Variants in RMDN2 observed in about 807,000 individuals in gnomAD.
The protein encoded by RMDN2 is regulator of microtubule dynamics protein 2.
RMDN2 carries 61 observed loss-of-function variants against 52.8 expected under a neutral mutation model. That is an observed-to-expected ratio of 1.16 (90% CI 0.94 to 1.43). RMDN2 has a LOEUF of 1.43. Among genes scored for constraint, RMDN2 ranks in the 40% most tolerant of loss-of-function variants. The probability of loss-of-function intolerance (pLI) is 0.00; values close to 1 mark genes in which losing one functional copy is unlikely to be tolerated. For missense variants in RMDN2, 592 were observed against 475.3 expected (o/e 1.25, Z -2.28); for synonymous variants, 180 against 153.1 (o/e 1.18, Z -1.30).
At chr2:37,993,494 C>T (rs1309875877) in intron 7 of RMDN2, among the ~76,000 whole-genome samples, 4 of 150,296 alleles carry the variant, frequency 2.7e-5, no homozygotes. Flanking sequence ...TGTTTCTAAT[C>T]AGGTCAATGG....
intron 2 of RMDN2, among the ~76,000 whole-genome samples, chr2:37,961,442 C>G (rs1426486434): frequency 1.3e-5 from 2 of 151,754 alleles, no homozygotes; most frequent in African/African-American, 2.4e-5. Context: ...TTAAGTTAAT[C>G]TGCAATCTCT....
intron 10 of RMDN2, among the ~76,000 whole-genome samples, chr2:38,044,346 T>C (rs554199267): frequency 6.6e-6 from 1 of 152,200 alleles, no homozygotes; most frequent in Admixed American, 6.5e-5. Flanking sequence ...TTGAATATGA[T>C]ATGCAGATTT....
chr2:37,945,718 TATCTC>T (rs1668165515), intron 2 of RMDN2, among the ~76,000 whole-genome samples: 1 of 152,184 alleles, frequency 6.6e-6, no homozygotes, highest in Non-Finnish European at 1.5e-5. Flanking sequence ...TTATATTTAT[TATCTC>T]ATTTAATATA....
At chr2:37,977,746 C>G (rs1317915131) in intron 4 of RMDN2, among the ~76,000 whole-genome samples, 1 of 151,384 alleles carries the variant, frequency 6.6e-6, no homozygotes, top group Non-Finnish European at 1.5e-5. Flanking sequence ...GAGGCGCTCC[C>G]CACATCCCAG....
At chr2:37,960,398 T>C (rs1300111429) in intron 2 of RMDN2, among the ~76,000 whole-genome samples, 1 of 152,162 alleles carries the variant, frequency 6.6e-6, no homozygotes, top group Non-Finnish European at 1.5e-5. Context: ...TACCATTATG[T>C]AATTACCTTG....
chr2:38,002,653 T>C (rs559565132), intron 8 of RMDN2, among the ~76,000 whole-genome samples: 1 of 152,380 alleles, frequency 6.6e-6, no homozygotes, highest in East Asian at 1.9e-4. Flanking sequence ...TATCTGTTTT[T>C]TTATTTGCCT....
At chr2:38,005,597 T>G (rs1206341751) in intron 10 of RMDN2, among the ~76,000 whole-genome samples, 18 of 152,242 alleles carry the variant, frequency 1.2e-4, no homozygotes, top group South Asian at 2.1e-4. Context: ...AGATTCTGGA[T>G]ATTAGCCCTT....
chr2:37,934,424 G>C (rs1357119614), intron 2 of RMDN2, among the ~76,000 whole-genome samples: 1 of 152,200 alleles, frequency 6.6e-6, no homozygotes, highest in African/African-American at 2.4e-5. Flanking sequence ...TTCTCATAAG[G>C]TGGCCCTCAG....
upstream of RMDN2, among the ~76,000 whole-genome samples, chr2:37,921,595 G>T (rs1344510229): frequency 6.6e-6 from 1 of 152,182 alleles, no homozygotes; most frequent in South Asian, 2.1e-4. Flanking sequence ...TAACTGAAGT[G>T]GGGGATACAA....
intron 2 of RMDN2, chr2:37,952,994 A>G (rs905267872): frequency 2.0e-5 from 3 of 152,130 alleles, no homozygotes; most frequent in Non-Finnish European, 4.4e-5. Context: ...GCATGTAAGC[A>G]ATTGAAAACA....
At chr2:38,053,391 C>T (rs987659216) in intron 10 of RMDN2, among the ~76,000 whole-genome samples, 1 of 152,168 alleles carries the variant, frequency 6.6e-6, no homozygotes, top group Admixed American at 6.5e-5. Flanking sequence ...GTCAAACACA[C>T]ACACATTATC....
intron 4 of RMDN2, among the ~76,000 whole-genome samples, chr2:37,977,212 C>T (rs1017010507): frequency 3.9e-5 from 6 of 152,238 alleles, no homozygotes; most frequent in Non-Finnish European, 7.3e-5. Flanking sequence ...TTTTTTAGTA[C>T]AGAACAAAAT....
rs78668457 is a variant in RMDN2 at position 37,944,693 on chromosome 2, A to T, written c.452+14964A>T. Among the ~76,000 whole-genome samples the T allele has an allele frequency of 1.1e-3, 162 of 152,290 alleles. 3 individuals are homozygous for T. The East Asian group carries it at 0.027, about 25-fold the overall frequency. ...AACCTGATCTAGGCCTGTACAAATGAAAGAGAGGTAAATATGTGGACACCA... is the reference window on the plus strand; with the variant it reads ...AACCTGATCTAGGCCTGTACAAATGTAAGAGAGGTAAATATGTGGACACCA... On this transcript the variant is annotated intron_variant, in intron 2 of 10. Transcript: ENST00000354545.
chr2:37,928,718 T>C (rs1371979397), intron 1 of RMDN2: 1 of 152,414 alleles, frequency 6.6e-6, no homozygotes, highest in African/African-American at 2.4e-5. Flanking sequence ...CCCACCTCCT[T>C]TGCCTTCTCA....
chr2:37,977,863 C>T (rs2125085898), intron 4 of RMDN2, among the ~76,000 whole-genome samples: 1 of 151,950 alleles, frequency 6.6e-6, no homozygotes, highest in Non-Finnish European at 1.5e-5. Context: ...AGGGGCTCCT[C>T]ACATCCCGGA....
chr2:38,035,106 C>T (rs1207760176), intron 10 of RMDN2, among the ~76,000 whole-genome samples: 3 of 151,964 alleles, frequency 2.0e-5, no homozygotes, highest in East Asian at 3.8e-4. Context: ...CCTGAAAGAA[C>T]GAACTACAAA....
intron 8 of RMDN2, among the ~76,000 whole-genome samples, chr2:38,003,181 A>T (rs6544132): frequency 0.43 from 64,796 of 152,044 alleles, 15,602 homozygotes; most frequent in East Asian, 0.78. Flanking sequence ...AATATGTTGA[A>T]ATCACAAGAA....
At chr2:37,973,907 TC>T (rs1196182782) in intron 2 of RMDN2, 132 bp from the exon 3 acceptor site, 1 of 669,566 alleles carries the variant, frequency 1.5e-6, no homozygotes, top group Non-Finnish European at 2.5e-6. Context: ...TGGAGCTTTT[TC>T]TGAGTGAAAG....
chr2:37,956,711 G>GCC (rs1553354829), intron 2 of RMDN2, among the ~76,000 whole-genome samples: 2 of 151,814 alleles, frequency 1.3e-5, no homozygotes, highest in South Asian at 2.1e-4. Context: ...AGAAGTGCAG[G>GCC]TTTGTTACAT....
Sources: allele counts gnomAD v4.1 joint callset (sites outside exome capture counted in the v4.1 genomes callset), GRCh38; gene constraint gnomAD v4.1.1; transcripts MANE v1.5; gene names NCBI Gene and HGNC (gene_info 2026-07-23, HGNC 2026-07-21).